Variants in SUMF1 observed in about 807,000 individuals in gnomAD.
The protein encoded by SUMF1 is sulfatase modifying factor 1.
In SUMF1, 48 loss-of-function variants were observed where a neutral mutation model predicts 47.6. That is an observed-to-expected ratio of 1.01 (90% CI 0.80 to 1.28). The LOEUF (loss-of-function observed/expected upper bound fraction) is 1.28, where lower values mean the gene tolerates loss of function less well. Among genes scored for constraint, SUMF1 ranks in the 50% most tolerant of loss-of-function variants. SUMF1 has a pLI of 0.00. For synonymous variants in SUMF1, 230 were observed against 192.1 expected (o/e 1.20, Z -1.63); for missense variants, 571 against 485.4 (o/e 1.18, Z -1.66).
chr3:4,328,168 G>A (rs1485144463), intron 8 of SUMF1, among the ~76,000 whole-genome samples: 1 of 152,128 alleles, frequency 6.6e-6, no homozygotes, highest in Non-Finnish European at 1.5e-5. Flanking sequence ...GATCAGCCAT[G>A]ATTGTGACAC....
chr3:4,206,201 C>CTGCAA (rs1197589037), intron 8 of SUMF1, among the ~76,000 whole-genome samples: 1 of 151,604 alleles, frequency 6.6e-6, no homozygotes, highest in Non-Finnish European at 1.5e-5. Flanking sequence ...TCTCCAGGAG[C>CTGCAA]TGCAAGCTGT....
At chr3:4,436,849 C>T (rs1322969199) in intron 3 of SUMF1, among the ~76,000 whole-genome samples, 1 of 92,034 alleles carries the variant, frequency 1.1e-5, no homozygotes, top group Non-Finnish European at 3.0e-5. Context: ...AGCTGCATCA[C>T]CTAAAAAAAA....
intron 7 of SUMF1, 81 bp from the exon 8 acceptor site, chr3:4,376,470 C>T (rs1700333841): frequency 2.3e-5 from 33 of 1,421,670 alleles, no homozygotes; most frequent in Non-Finnish European, 3.3e-5. Context: ...CACTTTGATC[C>T]AACCAGCTCT....
Position 4,410,618 on chromosome 3 carries a change from T to C in SUMF1, c.954+247A>G, listed in dbSNP as rs78354838. Among the ~76,000 whole-genome samples the C allele has an allele frequency of 2.6e-3, 389 of 152,346 alleles. 3 individuals are homozygous for C. Among genetic ancestry groups the C allele is most frequent in the African/African-American group, 8.7e-3 (361 of 41,572 alleles). On this transcript the variant is annotated intron_variant, in intron 7 of 8. Transcript: ENST00000272902. ...AGACTGAATACAATTTCTAAAGTTATAGGCAGATTTCCTCAAATAGTTATC... is the reference window on the plus strand; with the variant it reads ...AGACTGAATACAATTTCTAAAGTTACAGGCAGATTTCCTCAAATAGTTATC...
At chr3:4,399,392 C>T (rs1164347648) in intron 7 of SUMF1, among the ~76,000 whole-genome samples, 1 of 152,132 alleles carries the variant, frequency 6.6e-6, no homozygotes, top group Non-Finnish European at 1.5e-5. Context: ...TCTTCCCCCC[C>T]AAACCATTTG....
chr3:4,278,643 C>T (rs1033594634), intron 8 of SUMF1, among the ~76,000 whole-genome samples: 1 of 152,106 alleles, frequency 6.6e-6, no homozygotes, highest in Non-Finnish European at 1.5e-5. Context: ...CATACGTTAT[C>T]TCCCTCAAGT....
rs886058520 is a variant in SUMF1 at position 4,452,886 on chromosome 3, T to C, written c.434A>G (p.Tyr145Cys). ...EFEKFVNSTG[Y>C]LTEAEKFGDS... ...CCCCAATCCCATTACCTCTGTCAAA[T>C]AGCCAGTTGAGTTCACAAACTTCTC... Residue 145 changes from tyrosine to cysteine, a missense_variant, in exon 2 of 9, where the codon TAT becomes TGT. Tyr to Cys is a radical substitution (Grantham distance 194, BLOSUM62 -2). Transcript: ENST00000272902. 14 of 1,614,100 alleles carry C rather than the reference T, an allele frequency of 8.7e-6. No homozygotes were observed. Among genetic ancestry groups the C allele is most frequent in the Non-Finnish European group, 9.3e-6 (11 of 1,180,044 alleles).
chr3:4,348,652 A>G (rs1010450949), intron 8 of SUMF1, among the ~76,000 whole-genome samples: 1 of 151,822 alleles, frequency 6.6e-6, no homozygotes, highest in Non-Finnish European at 1.5e-5. Flanking sequence ...ACCACCTGAG[A>G]TCAGGAGTTT....
At chr3:4,132,819 G>T (rs760296695) in intron 8 of SUMF1, among the ~76,000 whole-genome samples, 1 of 152,088 alleles carries the variant, frequency 6.6e-6, no homozygotes, top group African/African-American at 2.4e-5. Flanking sequence ...ACTCCACAAC[G>T]GAGGTAAGGA....
intron 8 of SUMF1, among the ~76,000 whole-genome samples, chr3:4,220,721 A>G (rs1432842987): frequency 6.6e-6 from 1 of 152,112 alleles, no homozygotes; most frequent in Non-Finnish European, 1.5e-5. Flanking sequence ...TAGGACCTTG[A>G]GTAATTCCAC....
intron 8 of SUMF1, among the ~76,000 whole-genome samples, chr3:4,244,269 T>G (rs113744743): frequency 6.6e-6 from 1 of 152,356 alleles, no homozygotes; most frequent in African/African-American, 2.4e-5. Context: ...TAAAGGTTAA[T>G]ATTGTTATGT....
Position 4,228,436 on chromosome 3 carries a change from T to A in SUMF1, c.1014+147894A>T, listed in dbSNP as rs576232863. On this transcript the variant is annotated intron_variant and NMD_transcript_variant, in intron 8 of 12. Transcript: ENST00000448413. ...TGGTAGCAGATGGCAAGTGACAGAA[T>A]ACTCAGGGTAGCACTGCTGTTCCAA... Among the ~76,000 whole-genome samples the A allele has an allele frequency of 1.4e-3, 213 of 152,118 alleles. 1 individual carries two copies. The highest frequency in any genetic ancestry group is 4.9e-3 in the African/African-American group (205 of 41,536).
chr3:4,194,778 A>G (rs1215317339), intron 8 of SUMF1, among the ~76,000 whole-genome samples: 1 of 152,200 alleles, frequency 6.6e-6, no homozygotes, highest in Non-Finnish European at 1.5e-5. Context: ...CTGTAAAACT[A>G]TGTAAGCACC....
intron 8 of SUMF1, among the ~76,000 whole-genome samples, chr3:4,134,444 G>C (rs989841418): frequency 6.6e-6 from 1 of 152,104 alleles, no homozygotes; most frequent in Non-Finnish European, 1.5e-5. Flanking sequence ...CAACATACCA[G>C]AATCTCTGGG....
chr3:4,105,309 T>C (rs1425488350), intron 8 of SUMF1, among the ~76,000 whole-genome samples: 1 of 152,150 alleles, frequency 6.6e-6, no homozygotes, highest in Non-Finnish European at 1.5e-5. Context: ...TTGAGATCTC[T>C]CGCATAGGCT....
At chr3:4,171,005 C>A (rs149220788) in intron 8 of SUMF1, among the ~76,000 whole-genome samples, 1 of 152,310 alleles carries the variant, frequency 6.6e-6, no homozygotes, top group East Asian at 1.9e-4. Flanking sequence ...CACCCAAACT[C>A]TGCATTTGCA....
chr3:4,376,216 G>A, intron 8 of SUMF1, 114 bp downstream of exon 8: 1 of 1,270,900 alleles, frequency 7.9e-7, no homozygotes, highest in Non-Finnish European at 1.2e-6. Flanking sequence ...GTTTCAGTGG[G>A]GTTAGGTAGG....
At chr3:4,060,862 A>C (rs1000892128) in intron 9 of SUMF1, among the ~76,000 whole-genome samples, 1 of 152,180 alleles carries the variant, frequency 6.6e-6, no homozygotes, top group Admixed American at 6.5e-5. Flanking sequence ...TGTTAAGTAA[A>C]TAAAGCTCTT....
chr3:4,444,743 G>A (rs996334516), intron 3 of SUMF1, among the ~76,000 whole-genome samples: 2 of 152,186 alleles, frequency 1.3e-5, no homozygotes, highest in Non-Finnish European at 1.5e-5. Flanking sequence ...AAGTATCAGT[G>A]TATACTCATT....
Sources: gnomAD v4.1 joint callset for allele counts (sites outside exome capture counted in the v4.1 genomes callset) on GRCh38, gnomAD v4.1.1 for gene constraint, MANE v1.5 for transcripts, NCBI Gene and HGNC (gene_info 2026-07-23, HGNC 2026-07-21) for gene names.